The following RET variants were observed in gnomAD, a reference collection of about 807,000 sequenced individuals.
RET encodes proto-oncogene tyrosine-protein kinase receptor Ret.
A neutral mutation model predicts 118.3 loss-of-function variants in RET; 19 were observed. That is an observed-to-expected ratio of 0.16 (90% CI 0.11 to 0.24). The LOEUF (loss-of-function observed/expected upper bound fraction) is 0.24. Ranked by LOEUF, RET falls within the 10% of genes least tolerant of loss-of-function variation. The probability of loss-of-function intolerance (pLI) is 1.00; values close to 1 mark genes in which losing one functional copy is unlikely to be tolerated. For missense variants in RET, 1,219 were observed against 1,502.1 expected, an observed-to-expected ratio of 0.81 and a Z score of 3.12; for synonymous variants, 597 against 644.1, an observed-to-expected ratio of 0.93 and a Z score of 1.11.
At chr10:43,117,289 A>T (rs1278816769) in intron 12 of RET, among the ~76,000 whole-genome samples, 1 of 152,238 alleles carries the variant, frequency 6.6e-6, no homozygotes, top group Non-Finnish European at 1.5e-5. Flanking sequence ...GGTGTACATA[A>T]CAATTATCTG....
At chr10:43,124,794 A>T in intron 17 of RET, 89 bp from the exon 18 acceptor site, 1 of 1,232,106 alleles carries the variant, frequency 8.1e-7, no homozygotes, top group Non-Finnish European at 1.2e-6. Context: ...GGCCCAGGGT[A>T]CAGGGCAGGG....
intron 19 of RET, 24 bp from the exon 20 acceptor site, chr10:43,128,088 C>T (rs2133047356): frequency 1.2e-6 from 2 of 1,613,892 alleles, no homozygotes; most frequent in Non-Finnish European, 1.7e-6. Flanking sequence ...CAGTGCAGAA[C>T]AAATGATCTG....
At chr10:43,123,608 GC>G in intron 16 of RET, 62 bp from the exon 17 acceptor site, 1 of 1,609,514 alleles carries the variant, frequency 6.2e-7, no homozygotes, top group Non-Finnish European at 8.5e-7. Flanking sequence ...GGATATCTGG[GC>G]CCCCCGGAGG....
chr10:43,077,838 T>C (rs1198979961), intron 1 of RET, among the ~76,000 whole-genome samples: 2 of 152,236 alleles, frequency 1.3e-5, no homozygotes, highest in African/African-American at 4.8e-5. Context: ...GCCGAGGGAT[T>C]CGGAGGCTCT....
At chr10:43,089,240 C>T (rs973165721) in intron 1 of RET, among the ~76,000 whole-genome samples, 4 of 152,248 alleles carry the variant, frequency 2.6e-5, no homozygotes, top group African/African-American at 9.6e-5. Context: ...CCCCAGTCAG[C>T]TCTCCTGACG....
At chr10:43,113,050 A>G in intron 9 of RET, 87 bp downstream of exon 9, 1 of 1,075,094 alleles carries the variant, frequency 9.3e-7, no homozygotes. Context: ...CAGAGTTGCC[A>G]GGGCTGTCAG....
intron 1 of RET, among the ~76,000 whole-genome samples, chr10:43,085,032 T>C (rs984461686): frequency 3.3e-5 from 5 of 152,238 alleles, no homozygotes; most frequent in Non-Finnish European, 7.3e-5. Context: ...GATGTCATGC[T>C]GCCAGGCCCT....
chr10:43,089,587 C>T (rs564364473), intron 1 of RET, among the ~76,000 whole-genome samples: 1 of 152,188 alleles, frequency 6.6e-6, no homozygotes, highest in Non-Finnish European at 1.5e-5. Flanking sequence ...ACCTCAGGAC[C>T]CCAGGGGACA....
At chr10:43,122,890 G>A (rs947912422) in intron 16 of RET, among the ~76,000 whole-genome samples, 2 of 152,186 alleles carry the variant, frequency 1.3e-5, no homozygotes, top group Non-Finnish European at 2.9e-5. Flanking sequence ...GATTACAGGC[G>A]AGAGCCACCA....
At chr10:43,126,542 G>T (rs186837399) in intron 18 of RET, 33 bp from the exon 19 acceptor site, 5 of 1,588,588 alleles carry the variant, frequency 3.1e-6, no homozygotes, top group Non-Finnish European at 2.6e-6. Flanking sequence ...TGTGGCACAT[G>T]GCTTGGAGTG....
intron 1 of RET, among the ~76,000 whole-genome samples, chr10:43,093,994 T>C (rs975913480): frequency 1.3e-5 from 2 of 151,686 alleles, no homozygotes; most frequent in African/African-American, 2.4e-5. Flanking sequence ...CCAGGGTGTT[T>C]GTTCAGCATA....
At chr10:43,127,234 C>G (rs1838355600) in intron 19 of RET, 3 of 1,080,136 alleles carry the variant, frequency 2.8e-6, no homozygotes, top group Non-Finnish European at 3.4e-6. Flanking sequence ...ACTGGCCAAG[C>G]CTCAGCCCCA....
chr10:43,122,987 G>A (rs1030740836), intron 16 of RET, among the ~76,000 whole-genome samples: 17 of 152,208 alleles, frequency 1.1e-4, no homozygotes, highest in African/African-American at 4.1e-4. Flanking sequence ...GCTGACTGTA[G>A]GCTAGTTGGA....
At chr10:43,081,354 G>A (rs1272863414) in intron 1 of RET, among the ~76,000 whole-genome samples, 1 of 149,334 alleles carries the variant, frequency 6.7e-6, no homozygotes, top group Admixed American at 6.7e-5. Flanking sequence ...AGCAGGCTGG[G>A]AGCACTCCTG....
rs376839375 is a variant in RET, at chr10:43,114,436, C to A, written c.1880-44C>A. 6.2e-6 allele frequency: 10 copies of A among 1,601,292 alleles called. No individual in the cohort carries two copies. The highest frequency in any genetic ancestry group is 5.1e-6 in the Non-Finnish European group (6 of 1,179,626). ...ATACGCAGCCTGTACCCAGTGGTGC[C>A]GAGCCTCTGGCGGTGCCAAGCCTCA... On this transcript the variant is annotated intron_variant, in intron 10 of 19. Coordinates refer to ENST00000355710, the MANE Select transcript of RET (RefSeq NM_020975.6). The surrounding 1 kb of genome is among the most constrained non-coding windows in gnomAD (Gnocchi z 4.6).
intron 10 of RET, among the ~76,000 whole-genome samples, 161 bp downstream of exon 10, chr10:43,113,836 G>C (rs567456633): frequency 6.6e-6 from 1 of 152,290 alleles, no homozygotes; most frequent in South Asian, 2.1e-4. Flanking sequence ...CCCAGGAGAG[G>C]GGCCAGGGCC....
intron 2 of RET, among the ~76,000 whole-genome samples, chr10:43,101,549 G>C (rs73252043): frequency 2.0e-5 from 3 of 152,192 alleles, no homozygotes; most frequent in Non-Finnish European, 2.9e-5. Flanking sequence ...GTGGTTCTAC[G>C]CACTTAGTTG....
intron 3 of RET, chr10:43,104,738 A>G: frequency 1.4e-6 from 1 of 714,836 alleles, no homozygotes; most frequent in South Asian, 1.9e-5. Flanking sequence ...AAGCACAGTC[A>G]TCGCTGCAAA....
rs2132856949 is a variant in RET at position 43,114,788 on chromosome 10, C to T, written c.2136+52C>T. The T allele has an allele frequency of 1.9e-6, 3 of 1,553,448 alleles. No individual in the cohort carries two copies. The highest frequency in any genetic ancestry group is 2.6e-6 in the Non-Finnish European group (3 of 1,153,976). On this transcript the variant is annotated intron_variant, in intron 11 of 19. Coordinates refer to ENST00000355710, the MANE Select transcript of RET (RefSeq NM_020975.6). This position sits in a 1 kb window ranked among gnomAD's most constrained non-coding sequence, Gnocchi z 4.6. ...ATCCCCTGCCCTCCCCAGCTGCCTT[C>T]CAGGGAGGGAGGCCAGCTGGGGAGA... is the stretch of plus-strand genomic sequence containing the variant.
Sources: gnomAD v4.1 joint callset for allele counts (sites outside exome capture counted in the v4.1 genomes callset) on GRCh38, gnomAD v4.1.1 for gene constraint, Gnocchi (gnomAD v3.1) non-coding constraint, MANE v1.5 for transcripts, NCBI Gene and HGNC (gene_info 2026-07-23, HGNC 2026-07-21) for gene names.